The following SPAG16 variants were observed in gnomAD, a reference collection of about 807,000 sequenced individuals.
SPAG16 encodes sperm-associated antigen 16 protein.
Under a neutral mutation model 80.4 loss-of-function variants are expected in SPAG16, and 86 were observed. That is an observed-to-expected ratio of 1.07 (90% CI 0.90 to 1.28). SPAG16 has a LOEUF of 1.28. SPAG16 is among the 50% of genes most tolerant of loss of function. The pLI, the probability that SPAG16 is intolerant of heterozygous loss-of-function variation, is 0.00. For missense variants in SPAG16, 870 were observed against 765.3 expected, an observed-to-expected ratio of 1.14 and a Z score of -1.61; for synonymous variants, 294 against 265.9, an observed-to-expected ratio of 1.11 and a Z score of -1.03.
chr2:214,277,348 T>A (rs931185726), intron 15 of SPAG16, among the ~76,000 whole-genome samples: 2 of 152,200 alleles, frequency 1.3e-5, no homozygotes, highest in South Asian at 4.1e-4. Flanking sequence ...GGAGCTGCGA[T>A]AATTTGGAGA....
chr2:213,748,281 A>G (rs978560925), intron 10 of SPAG16, among the ~76,000 whole-genome samples: 1 of 152,180 alleles, frequency 6.6e-6, no homozygotes, highest in Non-Finnish European at 1.5e-5. Context: ...TTCATTGTGC[A>G]TGTTTCAGAA....
intron 10 of SPAG16, among the ~76,000 whole-genome samples, chr2:213,693,256 G>A (rs568851118): frequency 6.6e-6 from 1 of 152,304 alleles, no homozygotes; most frequent in East Asian, 1.9e-4. Flanking sequence ...AAGCAATGAG[G>A]CCTAACTGCC....
intron 13 of SPAG16, among the ~76,000 whole-genome samples, chr2:214,078,980 G>A (rs973245816): frequency 2.6e-5 from 4 of 152,088 alleles, no homozygotes; most frequent in Admixed American, 2.6e-4. Flanking sequence ...AACAACCAAC[G>A]AGAAGCTGGG....
intron 12 of SPAG16, among the ~76,000 whole-genome samples, chr2:214,002,250 T>C (rs1575786550): frequency 6.6e-6 from 1 of 152,290 alleles, no homozygotes; most frequent in East Asian, 1.9e-4. Flanking sequence ...TAGTTTACTA[T>C]TGCATCCTTA....
chr2:213,392,308 A>G (rs930823400), intron 9 of SPAG16, among the ~76,000 whole-genome samples: 2 of 152,330 alleles, frequency 1.3e-5, no homozygotes, highest in East Asian at 1.9e-4. Flanking sequence ...CTTTGCAGCT[A>G]TTATTATTAC....
intron 13 of SPAG16, among the ~76,000 whole-genome samples, chr2:214,083,338 T>C (rs1006975128): frequency 6.6e-6 from 1 of 152,160 alleles, no homozygotes; most frequent in Non-Finnish European, 1.5e-5. Flanking sequence ...GATCAGTCTT[T>C]ATTCCTCTCC....
intron 9 of SPAG16, among the ~76,000 whole-genome samples, chr2:213,401,095 C>T (rs932851085): frequency 1.3e-5 from 2 of 152,170 alleles, no homozygotes; most frequent in African/African-American, 4.8e-5. Flanking sequence ...AGGTGTGAGC[C>T]ACTGCACCCA....
At chr2:213,379,870 G>T (rs2067077012) in intron 9 of SPAG16, among the ~76,000 whole-genome samples, 1 of 152,134 alleles carries the variant, frequency 6.6e-6, no homozygotes, top group East Asian at 1.9e-4. Context: ...CTTTATTCAT[G>T]GGCCCATTGG....
At chr2:213,551,177 G>C (rs1424382058) in intron 10 of SPAG16, among the ~76,000 whole-genome samples, 1 of 152,096 alleles carries the variant, frequency 6.6e-6, no homozygotes, top group Non-Finnish European at 1.5e-5. Context: ...TTGGTCGTTT[G>C]AGAGACTCCT....
chr2:213,640,478 A>G (rs1213392988), intron 10 of SPAG16, among the ~76,000 whole-genome samples: 2 of 152,066 alleles, frequency 1.3e-5, no homozygotes, highest in Non-Finnish European at 2.9e-5. Context: ...CTAGGGATGC[A>G]GCTTCCTGAG....
chr2:213,345,925 T>C (rs528417031), intron 6 of SPAG16, among the ~76,000 whole-genome samples: 1 of 152,316 alleles, frequency 6.6e-6, no homozygotes, highest in Non-Finnish European at 1.5e-5. Context: ...AAGAAAGTCA[T>C]GGGTAGCCTG....
At chr2:213,837,727 C>T (rs542366750) in intron 10 of SPAG16, among the ~76,000 whole-genome samples, 2 of 152,186 alleles carry the variant, frequency 1.3e-5, no homozygotes, top group African/African-American at 4.8e-5. Flanking sequence ...TTGGTAGATG[C>T]GATTAAGTTG....
At chr2:214,368,142 C>T (rs1574419568) in intron 15 of SPAG16, among the ~76,000 whole-genome samples, 1 of 152,210 alleles carries the variant, frequency 6.6e-6, no homozygotes, top group East Asian at 1.9e-4. Context: ...TGCTCTCTAT[C>T]AGTCCCTTGT....
Position 214,167,975 on chromosome 2 carries a change from TTTTC to T in SPAG16, c.1720+18713_1720+18716del. Among the ~76,000 whole-genome samples, 4 of 148,776 alleles carry T rather than the reference TTTTC, an allele frequency of 2.7e-5. No homozygotes were observed. In the Admixed American group the frequency reaches 2.8e-4, roughly 10 times the overall value. On this transcript the variant is annotated intron_variant, in intron 15 of 15. Transcript: ENST00000331683. ...TTTCTTTTTCTTTTTTTCTGTTTTC[TTTTC>T]TTTTTTCTTTTTCTCTTTTTTTTTT... is the stretch of plus-strand genomic sequence containing the variant.
intron 13 of SPAG16, among the ~76,000 whole-genome samples, chr2:214,032,133 A>T (rs2048446423): frequency 6.6e-6 from 1 of 152,190 alleles, no homozygotes; most frequent in Non-Finnish European, 1.5e-5. Context: ...CACCTCCCAA[A>T]TAAATGAACT....
intron 10 of SPAG16, among the ~76,000 whole-genome samples, chr2:213,669,202 A>G (rs2063726193): frequency 6.6e-6 from 1 of 152,194 alleles, no homozygotes; most frequent in Admixed American, 6.5e-5. Flanking sequence ...CATAGATATG[A>G]TGTGAAAATT....
intron 9 of SPAG16, among the ~76,000 whole-genome samples, chr2:213,390,751 G>A (rs994868153): frequency 2.0e-5 from 3 of 151,986 alleles, no homozygotes; most frequent in Non-Finnish European, 2.9e-5. Flanking sequence ...TTAAAAAATA[G>A]CTTCTAATTG....
At chr2:213,441,211 T>C (rs560413839) in intron 9 of SPAG16, among the ~76,000 whole-genome samples, 107 of 152,270 alleles carry the variant, frequency 7.0e-4, no homozygotes, top group Non-Finnish European at 1.4e-3. Context: ...ACATTCAACA[T>C]AAGCAACTTT....
intron 11 of SPAG16, among the ~76,000 whole-genome samples, chr2:213,905,017 A>G (rs2077379506): frequency 6.6e-6 from 1 of 152,228 alleles, no homozygotes; most frequent in Non-Finnish European, 1.5e-5. Flanking sequence ...ATAGAAAGCA[A>G]AAGCATTAGA....
Sources: gnomAD v4.1 joint callset for allele counts (sites outside exome capture counted in the v4.1 genomes callset) on GRCh38, gnomAD v4.1.1 for gene constraint, MANE v1.5 for transcripts, NCBI Gene and HGNC (gene_info 2026-07-23, HGNC 2026-07-21) for gene names.